The following BID variants were observed in gnomAD, a reference collection of about 807,000 sequenced individuals.
BID encodes the protein BH3 interacting domain death agonist, also known as BH3-interacting domain death agonist.
BID carries 19 observed loss-of-function variants against 17.4 expected under a neutral mutation model. That is an observed-to-expected ratio of 1.09 (90% CI 0.76 to 1.60). The LOEUF (loss-of-function observed/expected upper bound fraction) is 1.60, where lower values mean the gene tolerates loss of function less well. BID is among the 40% of genes most tolerant of loss of function. The probability of loss-of-function intolerance (pLI) is 0.00; values close to 1 mark genes in which losing one functional copy is unlikely to be tolerated. For missense variants in BID, 226 were observed against 256.0 expected (o/e 0.88, Z 0.80); for synonymous variants, 108 against 102.8 (o/e 1.05, Z -0.31).
At chr22:17,740,885 ACCCCGT>A (rs1391776969) in intron 3 of BID, 1 of 152,014 alleles carries the variant, frequency 6.6e-6, no homozygotes, top group Non-Finnish European at 1.5e-5. Flanking sequence ...ACAGAGCAAG[ACCCCGT>A]TTCTTAAAAA....
intron 1 of BID, among the ~76,000 whole-genome samples, chr22:17,754,208 C>CA (rs1491105459): frequency 1.3e-5 from 2 of 151,766 alleles, no homozygotes; most frequent in African/African-American, 4.8e-5. Flanking sequence ...GACATTCCCC[C>CA]AGTCTCCAGG....
intron 1 of BID, among the ~76,000 whole-genome samples, chr22:17,768,829 C>G (rs1473276855): frequency 7.0e-6 from 1 of 142,552 alleles, no homozygotes; most frequent in Non-Finnish European, 1.5e-5. Context: ...GCCGAGATCG[C>G]GCCACTGCAC....
rs200836174 is a variant in BID at position 17,739,319 on chromosome 22, C to T, written c.363+30G>A. ...GACAGGCCCCCTTGGCTCACTTGCC[C>T]GCCCACGCGGTCCTCAGGCCCTCAC... On this transcript the variant is annotated intron_variant, in intron 4 of 5. Transcript: ENST00000622694. 4.8e-5 allele frequency: 73 copies of T among 1,529,528 alleles called. No homozygotes were observed. The East Asian group carries it at 6.7e-4, about 14-fold the overall frequency. The allele number at this position is 1,529,528 out of a possible 1,614,324, so 94.7% of individuals were successfully genotyped here. A position where few individuals can be genotyped will look rare whatever the true frequency, so the allele number is the denominator to read the frequency against.
chr22:17,742,173 A>T (rs2061464127), intron 3 of BID, among the ~76,000 whole-genome samples: 1 of 152,202 alleles, frequency 6.6e-6, no homozygotes, highest in Admixed American at 6.5e-5. Context: ...GACTAGATTC[A>T]CAGTCCCTGT....
rs1323205913 is a variant in BID at position 17,739,599 on chromosome 22, C to T, written c.224-111G>A. ...GGACAGGTCCGCGATGGGACAAGGCCAGCCCCCACTGGGCACGTGCTCCAC... is the reference window on the plus strand; with the variant it reads ...GGACAGGTCCGCGATGGGACAAGGCTAGCCCCCACTGGGCACGTGCTCCAC... On this transcript the variant is annotated intron_variant, in intron 3 of 5. Coordinates refer to ENST00000622694, the MANE Select transcript of BID (RefSeq NM_001196.4). The T allele has an allele frequency of 5.0e-6, 7 of 1,400,458 alleles. No homozygotes were observed. In the African/African-American group the frequency reaches 8.5e-5, roughly 17 times the overall value. 86.8% of individuals were successfully genotyped at this position (1,400,458 alleles called of 1,614,324 possible). A position where few individuals can be genotyped will look rare whatever the true frequency, so the allele number is the denominator to read the frequency against.
chr22:17,751,137 C>A (rs1022954470), intron 1 of BID, among the ~76,000 whole-genome samples: 9 of 151,990 alleles, frequency 5.9e-5, no homozygotes, highest in African/African-American at 2.2e-4. Flanking sequence ...CTTTGGGAGG[C>A]CGAGGCGGGT....
chr22:17,760,765 G>C (rs996475368), intron 1 of BID, among the ~76,000 whole-genome samples: 23 of 152,186 alleles, frequency 1.5e-4, no homozygotes, highest in African/African-American at 5.1e-4. Flanking sequence ...TTAGTCACTG[G>C]TGAAAGCACC....
chr22:17,743,748 TTAC>T, intron 3 of BID, 52 bp downstream of exon 3: 1 of 1,538,274 alleles, frequency 6.5e-7, no homozygotes, highest in Non-Finnish European at 8.8e-7. Flanking sequence ...TCCCTGAATG[TTAC>T]TGGCGACAGA....
intron 1 of BID, among the ~76,000 whole-genome samples, chr22:17,756,497 TC>T (rs2061591396): frequency 6.9e-6 from 1 of 145,394 alleles, no homozygotes; most frequent in African/African-American, 2.6e-5. Flanking sequence ...TCTTTCTTTC[TC>T]TCTCTCTTTC....
chr22:17,772,550 G>A (rs190338762), intron 1 of BID, among the ~76,000 whole-genome samples: 17 of 152,326 alleles, frequency 1.1e-4, no homozygotes, highest in African/African-American at 3.8e-4. Context: ...TCGAGGACCT[G>A]CTCAGCCCCT....
intron 4 of BID, 37 bp from the exon 5 acceptor site, chr22:17,738,266 A>G (rs1323640283): frequency 1.2e-5 from 19 of 1,575,182 alleles, no homozygotes; most frequent in Non-Finnish European, 1.6e-5. Flanking sequence ...GTTTACTAAT[A>G]CTCTTCCCTC....
At chr22:17,735,695 A>C in intron 5 of BID, 104 bp from the exon 6 acceptor site, 1 of 1,452,954 alleles carries the variant, frequency 6.9e-7, no homozygotes, top group Non-Finnish European at 9.6e-7. Flanking sequence ...TTATGCAAAA[A>C]CATGTTCTCC....
chr22:17,758,164 AG>A (rs2061608204), intron 1 of BID, among the ~76,000 whole-genome samples: 1 of 152,182 alleles, frequency 6.6e-6, no homozygotes, highest in African/African-American at 2.4e-5. Context: ...GGTCCCTCAA[AG>A]AGCTTAAGTT....
intron 3 of BID, 43 bp downstream of exon 3, chr22:17,743,758 CAG>C: frequency 6.4e-7 from 1 of 1,559,912 alleles, no homozygotes; most frequent in Non-Finnish European, 8.7e-7. Flanking sequence ...TTACTGGCGA[CAG>C]AGAAGCCCAG....
rs893677077 is a variant in BID, at chr22:17,771,108, C to CT, written c.-59+3272dup. ...GATCCAGATGGTGATCTTTCCCCCA[C>CT]TTTTTTTTTGAGACGGAGTCTCGCT... is the stretch of plus-strand genomic sequence containing the variant. On this transcript the variant is annotated intron_variant, in intron 1 of 5. Transcript: ENST00000622694. Among the ~76,000 whole-genome samples, 35 of 151,818 alleles carry CT rather than the reference C, an allele frequency of 2.3e-4. 1 individual carries two copies. The South Asian group carries it at 3.7e-3, about 16-fold the overall frequency.
chr22:17,757,849 C>A (rs1037094055), intron 1 of BID, among the ~76,000 whole-genome samples: 1 of 152,216 alleles, frequency 6.6e-6, no homozygotes, highest in Admixed American at 6.5e-5. Flanking sequence ...CGCTGTCACT[C>A]GCGTTTGCCT....
chr22:17,755,140 G>A (rs405683), intron 1 of BID, among the ~76,000 whole-genome samples: 16,737 of 141,926 alleles, frequency 0.12, 1,316 homozygotes, highest in Non-Finnish European at 0.17. Context: ...GCTGGAGTGC[G>A]GTGGCACGAT....
At chr22:17,749,211 C>A (rs570093358) in intron 2 of BID, among the ~76,000 whole-genome samples, 2 of 152,120 alleles carry the variant, frequency 1.3e-5, no homozygotes, top group Non-Finnish European at 2.9e-5. Context: ...TGTGATGCAG[C>A]GGGTGGGAGA....
intron 3 of BID, 109 bp downstream of exon 3, chr22:17,743,694 T>C: frequency 8.5e-7 from 1 of 1,172,852 alleles, no homozygotes; most frequent in Non-Finnish European, 1.2e-6. Flanking sequence ...CAGCTGAAAC[T>C]GCAGAGGCAG....
Sources: allele counts gnomAD v4.1 joint callset (sites outside exome capture counted in the v4.1 genomes callset), GRCh38; gene constraint gnomAD v4.1.1; transcripts MANE v1.5; gene names NCBI Gene and HGNC (gene_info 2026-07-23, HGNC 2026-07-21).